PDE1C: variants seen among roughly 807,000 people sequenced by gnomAD.
PDE1C encodes dual specificity calcium/calmodulin-dependent 3',5'-cyclic nucleotide phosphodiesterase 1C.
In PDE1C, 62 loss-of-function variants were observed where a neutral mutation model predicts 93.1. The ratio of observed to expected loss-of-function variants is 0.67; its 90% CI spans 0.54 to 0.82. PDE1C has a LOEUF of 0.82. Ranked by LOEUF, PDE1C falls within the 40% of genes least tolerant of loss-of-function variation. PDE1C has a pLI of 0.00. For missense variants in PDE1C, 742 were observed against 884.6 expected, an observed-to-expected ratio of 0.84 and a Z score of 2.04; for synonymous variants, 325 against 310.1, an observed-to-expected ratio of 1.05 and a Z score of -0.50.
At chr7:32,019,117 T>TA (rs1365084183) in intron 2 of PDE1C, among the ~76,000 whole-genome samples, 1 of 132,928 alleles carries the variant, frequency 7.5e-6, no homozygotes, top group Admixed American at 8.3e-5. Context: ...TATCCTTGAG[T>TA]AGAGGGGCAC....
At chr7:31,903,892 T>C (rs1478127666) in intron 2 of PDE1C, among the ~76,000 whole-genome samples, 2 of 152,156 alleles carry the variant, frequency 1.3e-5, no homozygotes, top group African/African-American at 4.8e-5. Context: ...GCTTATTTAA[T>C]AATCAGTTCT....
chr7:32,017,958 T>TGGTC (rs1181808648), intron 2 of PDE1C, among the ~76,000 whole-genome samples: 1 of 151,948 alleles, frequency 6.6e-6, no homozygotes, highest in Admixed American at 6.6e-5. Context: ...TGCATGCCTG[T>TGGTC]GGTCCCTGCT....
chr7:31,877,076 C>T (rs1796690655), intron 5 of PDE1C, among the ~76,000 whole-genome samples: 1 of 152,080 alleles, frequency 6.6e-6, no homozygotes, highest in Non-Finnish European at 1.5e-5. Flanking sequence ...AGAAAGAAAA[C>T]AATGGCTTTA....
intron 1 of PDE1C, among the ~76,000 whole-genome samples, chr7:32,406,505 G>A (rs1228338507): frequency 1.5e-5 from 2 of 137,538 alleles, no homozygotes; most frequent in Admixed American, 7.8e-5. Context: ...ATATATTGAT[G>A]TTTACACCAA....
chr7:31,940,991 T>A (rs760651125), intron 2 of PDE1C, among the ~76,000 whole-genome samples: 1 of 152,000 alleles, frequency 6.6e-6, no homozygotes, highest in Non-Finnish European at 1.5e-5. Flanking sequence ...TCTATCCCAG[T>A]TAAGCCTCAT....
At chr7:32,083,398 G>A (rs1215924636) in intron 3 of PDE1C, among the ~76,000 whole-genome samples, 1 of 152,124 alleles carries the variant, frequency 6.6e-6, no homozygotes, top group African/African-American at 2.4e-5. Flanking sequence ...AAGTGACAGG[G>A]AGAATGGAAC....
intron 1 of PDE1C, among the ~76,000 whole-genome samples, chr7:32,062,940 T>C (rs1476886426): frequency 6.6e-6 from 1 of 152,226 alleles, no homozygotes; most frequent in East Asian, 1.9e-4. Flanking sequence ...ATGATTCTCT[T>C]TAGTTTTTTC....
At chr7:31,895,770 T>A (rs1003694288) in intron 2 of PDE1C, among the ~76,000 whole-genome samples, 2 of 152,056 alleles carry the variant, frequency 1.3e-5, no homozygotes, top group Admixed American at 6.6e-5. Flanking sequence ...ATAAGTCTCA[T>A]GAACACCGAT....
intron 16 of PDE1C, among the ~76,000 whole-genome samples, chr7:31,780,478 C>T (rs1438381121): frequency 6.6e-6 from 1 of 152,128 alleles, no homozygotes; most frequent in Non-Finnish European, 1.5e-5. Flanking sequence ...TACTTTGTGA[C>T]TCTGGTTTTA....
chr7:31,923,277 C>G (rs1443903609), intron 2 of PDE1C, among the ~76,000 whole-genome samples: 1 of 152,136 alleles, frequency 6.6e-6, no homozygotes, highest in Non-Finnish European at 1.5e-5. Context: ...GATTTTCAAC[C>G]CCAGCTGCAT....
At chr7:31,670,490 A>C in the PDE1C span, among the ~76,000 whole-genome samples, 1 of 152,140 alleles carries the variant, frequency 6.6e-6, no homozygotes, top group Non-Finnish European at 1.5e-5. Flanking sequence ...AATCCTTTGC[A>C]TCTCCTTGTG....
intron 15 of PDE1C, among the ~76,000 whole-genome samples, chr7:31,810,389 T>C (rs1193830966): frequency 1.3e-5 from 2 of 152,122 alleles, no homozygotes; most frequent in South Asian, 2.1e-4. Context: ...CAGGATTTAC[T>C]CTTGTTTACT....
chr7:31,719,848 G>T, the PDE1C span, among the ~76,000 whole-genome samples: 1 of 152,152 alleles, frequency 6.6e-6, no homozygotes, highest in Non-Finnish European at 1.5e-5. Flanking sequence ...CCAGAGGAAA[G>T]CATCTTGTTT....
chr7:31,997,079 T>C (rs1314452991), intron 2 of PDE1C, among the ~76,000 whole-genome samples: 2 of 152,206 alleles, frequency 1.3e-5, no homozygotes, highest in Non-Finnish European at 2.9e-5. Context: ...GATAGACTAA[T>C]AGGTGGGCAA....
intron 3 of PDE1C, among the ~76,000 whole-genome samples, chr7:32,110,432 C>T (rs1025838680): frequency 6.6e-6 from 1 of 152,182 alleles, no homozygotes; most frequent in Admixed American, 6.5e-5. Context: ...CTGGGTTCCT[C>T]CCATGACACG....
chr7:31,624,845 A>T, the PDE1C span, among the ~76,000 whole-genome samples: 1 of 152,202 alleles, frequency 6.6e-6, no homozygotes, highest in Non-Finnish European at 1.5e-5. Flanking sequence ...AACCCACAAA[A>T]TGGGAAAAAA....
chr7:32,374,111 G>GGAAA (rs1366489123), intron 1 of PDE1C, among the ~76,000 whole-genome samples: 1 of 15,864 alleles, frequency 6.3e-5, no homozygotes, highest in African/African-American at 1.9e-4. Flanking sequence ...AGGGAAGGAA[G>GGAAA]GAAGGAAGGA....
the PDE1C span, among the ~76,000 whole-genome samples, chr7:31,704,916 G>A: frequency 6.6e-6 from 1 of 152,242 alleles, no homozygotes; most frequent in African/African-American, 2.4e-5. Flanking sequence ...CCATCTTCAT[G>A]TCACCAAGGC....
chr7:32,283,826 G>A (rs901770147), intron 1 of PDE1C, among the ~76,000 whole-genome samples: 5 of 152,096 alleles, frequency 3.3e-5, no homozygotes, highest in South Asian at 2.1e-4. Flanking sequence ...CCTTCATCAC[G>A]CATCCAAATT....
Sources: gnomAD v4.1 joint callset for allele counts (sites outside exome capture counted in the v4.1 genomes callset) on GRCh38, gnomAD v4.1.1 for gene constraint, MANE v1.5 for transcripts, NCBI Gene and HGNC (gene_info 2026-07-23, HGNC 2026-07-21) for gene names.